Variants in PPDPF observed in about 807,000 individuals in gnomAD.
The protein encoded by PPDPF is pancreatic progenitor cell differentiation and proliferation factor.
In PPDPF, 11 loss-of-function variants were observed where a neutral mutation model predicts 6.3. That is an observed-to-expected ratio of 1.76 (90% confidence interval 1.11 to 2.91). The LOEUF (loss-of-function observed/expected upper bound fraction) is 2.91. Among genes scored for constraint, PPDPF ranks in the 30% most tolerant of loss-of-function variants. The pLI, the probability that PPDPF is intolerant of heterozygous loss-of-function variation, is 0.00. For missense variants in PPDPF, 202 were observed against 159.4 expected, an observed-to-expected ratio of 1.27 and a Z score of -1.44; for synonymous variants, 86 against 64.5, an observed-to-expected ratio of 1.33 and a Z score of -1.60.
rs759194921 is a variant in PPDPF at position 63,521,353 on chromosome 20, C to T, written c.45C>T (p.Asp15=). 3 of 1,609,208 alleles carry T rather than the reference C, an allele frequency of 1.9e-6. No individual in the cohort carries two copies. Among genetic ancestry groups the T allele is most frequent in the East Asian group, 2.2e-5 (1 of 44,510 alleles). The part of the protein sequence containing the change: ...PSSGSLVATH[D]YYRRRLGSTS... ...GCGGCTCGCTCGTGGCCACCCACGA[C>T]TACTACCGGCGTGAGTAGCCCCTGC... is the stretch of plus-strand genomic sequence containing the variant. The change falls in exon 2 of 4, where the codon GAC becomes GAT. Residue 15 remains aspartate (D), a synonymous_variant. Coordinates refer to ENST00000370179, the MANE Select transcript of PPDPF (RefSeq NM_024299.4).
In PPDPF at chr20:63,521,820, G is replaced by A. The variant is rs571801099; in HGVS notation, c.286G>A (p.Ala96Thr). The change falls in exon 4 of 4, where the codon GCC becomes ACC. Residue 96 changes from alanine to threonine, a missense_variant. Ala to Thr is a moderately conservative substitution (Grantham distance 58). Transcript: ENST00000370179. ...GACCGCCTGTGGCCTGGCTCGGGAC[G>A]CCCCGAGGAAGCAGCCCGGCGGTCA... Reference protein sequence around the residue: ...SMTACGLARDAPRKQPGGQSS... With the variant: ...SMTACGLARDTPRKQPGGQSS... 9.3e-6 allele frequency: 15 copies of A among 1,611,048 alleles called. No homozygotes were observed. In the African/African-American group the frequency reaches 1.7e-4, roughly 19 times the overall value.
chr20:63,521,485 G>A (rs1315047636), intron 2 of PPDPF, 27 bp from the exon 3 acceptor site: 1 of 1,558,390 alleles, frequency 6.4e-7, no homozygotes, highest in Non-Finnish European at 8.7e-7. Flanking sequence ...CGCGCCCCGC[G>A]TTGCTGACGG....
In PPDPF at chr20:63,520,772, G is replaced by T; in HGVS notation, c.-148G>T. 1.0e-6 allele frequency: 1 copy of T among 984,706 alleles called. No individual in the cohort carries two copies. The highest frequency in any genetic ancestry group is 1.2e-6 in the Non-Finnish European group (1 of 829,684). 61.0% of individuals were successfully genotyped at this position (984,706 alleles called of 1,614,324 possible). ...GCGCGTCCGCGCGTGCGCACCCCGCGCGCGCCTCTCTGTCGTGGCGCGGCT... is the reference window on the plus strand; with the variant it reads ...GCGCGTCCGCGCGTGCGCACCCCGCTCGCGCCTCTCTGTCGTGGCGCGGCT... On this transcript the variant is annotated 5_prime_UTR_variant, in exon 1 of 4. Coordinates refer to ENST00000370179, the MANE Select transcript of PPDPF (RefSeq NM_024299.4).
chr20:63,521,932 C>T lies in PPDPF; in HGVS notation c.*53C>T. The T allele has an allele frequency of 1.5e-6, 2 of 1,340,602 alleles. No homozygotes were observed. The highest frequency in any genetic ancestry group is 2.0e-6 in the Non-Finnish European group (2 of 980,970). 83.0% of individuals were successfully genotyped at this position (1,340,602 alleles called of 1,614,324 possible). ...CTGCGGAGGCGCTAGTCCACCAGAG[C>T]CCCTCCCCGCCCCTCTCCCCACTCC... On this transcript the variant is annotated 3_prime_UTR_variant, in exon 4 of 4. Transcript: ENST00000370179.
Position 63,521,686 on chromosome 20 carries a change from C to T in PPDPF, c.152C>T (p.Pro51Leu), listed in dbSNP as rs748384724. The T allele has an allele frequency of 4.3e-6, 7 of 1,613,496 alleles. No individual in the cohort carries two copies. The highest frequency in any genetic ancestry group is 5.1e-6 in the Non-Finnish European group (6 of 1,180,004). ...CTCTCAGGTCTCCCCAAGGCTGACC[C>T]GGGTCATTGGTGGGCCAGCTTCTTT... ...PHPPGLPKAD[P>L]GHWWASFFFG... The change falls in exon 4 of 4, where the codon CCG becomes CTG. Residue 51 changes from proline (P) to leucine (L), a missense_variant. Coordinates refer to ENST00000370179, the MANE Select transcript of PPDPF (RefSeq NM_024299.4).
chr20:63,520,862 G>C lies in PPDPF; in HGVS notation c.-58G>C, dbSNP rs1205021952. On this transcript the variant is annotated 5_prime_UTR_variant, in exon 1 of 4. Coordinates refer to ENST00000370179, the MANE Select transcript of PPDPF (RefSeq NM_024299.4). ...GCCCCCGTCCCCGCCACCCGTGATC[G>C]TGCGCCGAGGCCCGCGAGGGGTCGC... 35 of 989,604 alleles carry C rather than the reference G, an allele frequency of 3.5e-5. No homozygotes were observed. The highest frequency in any genetic ancestry group is 6.1e-5 in the Admixed American group (1 of 16,344). The allele number at this position is 989,604 out of a possible 1,614,324, so 61.3% of individuals were successfully genotyped here.
In PPDPF at chr20:63,521,946, T is replaced by TCTCCCCACTCCGCATCCCTCGCCCCC; in HGVS notation, c.*76_*101dup. ...GTCCACCAGAGCCCCTCCCCGCCCC[T>TCTCCCCACTCCGCATCCCTCGCCCCC]CTCCCCACTCCGCATCCCTCGCCCC... On this transcript the variant is annotated 3_prime_UTR_variant, in exon 4 of 4. Coordinates refer to ENST00000370179, the MANE Select transcript of PPDPF (RefSeq NM_024299.4). 1 of 946,008 alleles carries TCTCCCCACTCCGCATCCCTCGCCCCC rather than the reference T, an allele frequency of 1.1e-6. No homozygotes were observed. The allele number at this position is 946,008 out of a possible 1,614,324, so 58.6% of individuals were successfully genotyped here. A position where few individuals can be genotyped will look rare whatever the true frequency, so the allele number is the denominator to read the frequency against.
rs1256747303 is a variant in PPDPF at position 63,521,654 on chromosome 20, T to C, written c.134-14T>C. 1 of 1,612,798 alleles carries C rather than the reference T, an allele frequency of 6.2e-7. No homozygotes were observed. The highest frequency in any genetic ancestry group is 1.1e-5 in the South Asian group (1 of 91,068). On this transcript the variant is annotated splice_polypyrimidine_tract_variant and intron_variant, in intron 3 of 3. Transcript: ENST00000370179. ...GGAGCTGGCAGCATCAAGACCCCAC[T>C]TCGCTTCTCTCAGGTCTCCCCAAGG...
At position 63,522,153 on chromosome 20, in the gene PPDPF, A is replaced by C; in HGVS notation, c.*274A>C. On this transcript the variant is annotated 3_prime_UTR_variant, in exon 4 of 4. Transcript: ENST00000370179. ...TGGCACCAAGCGGAAAATAAACTCC[A>C]AGCAGCCAGTAGCCCCGATGGTGTG... is the stretch of plus-strand genomic sequence containing the variant. 1.4e-5 allele frequency: 7 copies of C among 483,620 alleles called. No homozygotes were observed. Among genetic ancestry groups the C allele is most frequent in the Non-Finnish European group, 1.5e-5 (4 of 259,078 alleles). 30.0% of individuals were successfully genotyped at this position (483,620 alleles called of 1,614,324 possible).
rs113534342 is a variant in PPDPF, at chr20:63,521,837, C to T, written c.303C>T (p.Pro101=). The T allele has an allele frequency of 1.5e-3, 2,430 of 1,608,252 alleles. 23 individuals carry two copies. In the African/African-American group the frequency reaches 0.016, roughly 11 times the overall value. Residue 101 remains proline, a synonymous_variant, in exon 4 of 4, where the codon CCC becomes CCT. Coordinates refer to ENST00000370179, the MANE Select transcript of PPDPF (RefSeq NM_024299.4). ...CTCGGGACGCCCCGAGGAAGCAGCC[C>T]GGCGGTCAGTCCAGCACAGCCAGCG... is the stretch of plus-strand genomic sequence containing the variant. The part of the protein sequence containing the change: ...GLARDAPRKQ[P]GGQSSTASAG...
Position 63,521,515 on chromosome 20 carries a change from G to A in PPDPF, c.59G>A (p.Arg20His), listed in dbSNP as rs149171605. The change falls in exon 3 of 4, where the codon CGC (arginine) becomes CAC (histidine). Residue 20 changes from arginine to histidine, a missense_variant. Arg to His is a conservative substitution (Grantham distance 29). Coordinates refer to ENST00000370179, the MANE Select transcript of PPDPF (RefSeq NM_024299.4). ...TGACGGGACCTCTCCTCTCCAGGCC[G>A]CCTGGGTTCCACTTCCAGCAACAGC... Reference protein sequence around the residue: ...LVATHDYYRRRLGSTSSNSSC... With the variant: ...LVATHDYYRRHLGSTSSNSSC... The A allele has an allele frequency of 2.5e-6, 4 of 1,575,740 alleles. No individual in the cohort carries two copies. In the East Asian group the frequency reaches 9.0e-5, roughly 35 times the overall value.
At chr20:63,521,393 G>A (rs1010868372) in intron 2 of PPDPF, 30 bp downstream of exon 2, 3 of 1,603,588 alleles carry the variant, frequency 1.9e-6, no homozygotes, top group African/African-American at 1.3e-5. Context: ...CATCCACGCG[G>A]ATGCTCTGCT....
intron 2 of PPDPF, 30 bp downstream of exon 2, chr20:63,521,393 G>T (rs1010868372): frequency 2.5e-6 from 4 of 1,603,470 alleles, no homozygotes; most frequent in Admixed American, 1.7e-5. Flanking sequence ...CATCCACGCG[G>T]ATGCTCTGCT....
intron 1 of PPDPF, 117 bp from the exon 2 acceptor site, chr20:63,521,167 G>A (rs1023447065): frequency 2.0e-6 from 2 of 1,017,358 alleles, no homozygotes; most frequent in African/African-American, 1.7e-5. Flanking sequence ...AGGCGGTGCC[G>A]GGAGCTGGGG....
At position 63,521,499 on chromosome 20, in the gene PPDPF, C is replaced by T. The variant is rs1216244145; in HGVS notation, c.56-13C>T. 3 of 1,567,018 alleles carry T rather than the reference C, an allele frequency of 1.9e-6. No individual in the cohort carries two copies. The highest frequency in any genetic ancestry group is 1.2e-5 in the South Asian group (1 of 84,090). On this transcript the variant is annotated splice_polypyrimidine_tract_variant and intron_variant, in intron 2 of 3. Coordinates refer to ENST00000370179, the MANE Select transcript of PPDPF (RefSeq NM_024299.4). ...CCGCGCCCCGCGTTGCTGACGGGAC[C>T]TCTCCTCTCCAGGCCGCCTGGGTTC... is the stretch of plus-strand genomic sequence containing the variant.
At chr20:63,521,182 C>T (rs1395501556) in intron 1 of PPDPF, 102 bp from the exon 2 acceptor site, 2 of 1,168,298 alleles carry the variant, frequency 1.7e-6, no homozygotes, top group Non-Finnish European at 2.3e-6. Flanking sequence ...CTGGGGAGCC[C>T]CGCCTCGGTA....
chr20:63,520,789 G>T lies in PPDPF; in HGVS notation c.-131G>T. On this transcript the variant is annotated 5_prime_UTR_variant, in exon 1 of 4. Transcript: ENST00000370179. ...CACCCCGCGCGCGCCTCTCTGTCGTGGCGCGGCTTCCCGCGGTCTTCTCTG... is the reference window on the plus strand; with the variant it reads ...CACCCCGCGCGCGCCTCTCTGTCGTTGCGCGGCTTCCCGCGGTCTTCTCTG... 1 of 984,962 alleles carries T rather than the reference G, an allele frequency of 1.0e-6. No individual in the cohort carries two copies. The highest frequency in any genetic ancestry group is 1.2e-6 in the Non-Finnish European group (1 of 829,848). The allele number at this position is 984,962 out of a possible 1,614,324, so 61.0% of individuals were successfully genotyped here.
Position 63,521,695 on chromosome 20 carries a change from G to A in PPDPF, c.161G>A (p.Trp54Ter), listed in dbSNP as rs371753146. 9 of 1,613,386 alleles carry A rather than the reference G, an allele frequency of 5.6e-6. No homozygotes were observed. The highest frequency in any genetic ancestry group is 7.6e-6 in the Non-Finnish European group (9 of 1,180,000). Residue 54 changes from tryptophan (W) to a stop codon, truncating the protein, a stop_gained, in exon 4 of 4, where the codon TGG (tryptophan) becomes TAG (stop). Coordinates refer to ENST00000370179, the MANE Select transcript of PPDPF (RefSeq NM_024299.4). LOFTEE classifies it low-confidence loss of function (END_TRUNC). The stretch of plus-strand genomic sequence containing the variant: ...CTCCCCAAGGCTGACCCGGGTCATT[G>A]GTGGGCCAGCTTCTTTTTCGGGAAG... ...PGLPKADPGH[W>*]WASFFFGKST...
chr20:63,521,623 C>T (rs202136744), intron 3 of PPDPF, 34 bp downstream of exon 3: 106 of 1,612,498 alleles, frequency 6.6e-5, no homozygotes, highest in South Asian at 6.0e-4. Context: ...TCCCCCCGCT[C>T]CTCCAGGAGC....
Sources: allele counts gnomAD v4.1 joint callset, GRCh38; gene constraint gnomAD v4.1.1; transcripts MANE v1.5; gene names NCBI Gene and HGNC (gene_info 2026-07-23, HGNC 2026-07-21).